RAF1: variants seen among roughly 807,000 people sequenced by gnomAD.
RAF1 encodes the protein Raf-1 proto-oncogene, serine/threonine kinase.
RAF1 carries 27 observed loss-of-function variants against 81.1 expected under a neutral mutation model. The observed-to-expected ratio is 0.33, with a 90% confidence interval of 0.25 to 0.46. The LOEUF is 0.46. Ranked by LOEUF, RAF1 falls within the 20% of genes least tolerant of loss-of-function variation. The pLI is 1.00. For missense variants in RAF1, 598 were observed against 826.0 expected (o/e 0.72, Z 3.38); for synonymous variants, 298 against 294.0 (o/e 1.01, Z -0.14).
At position 12,618,712 on chromosome 3, in the gene RAF1, T is replaced by G. The variant is rs747330424; in HGVS notation, c.10A>C (p.Ile4Leu). 1 of 1,614,208 alleles carries G rather than the reference T, an allele frequency of 6.2e-7. No individual in the cohort carries two copies. Among genetic ancestry groups the G allele is most frequent in the East Asian group, 2.2e-5 (1 of 44,888 alleles). ...CTGATCGTCTTCCAAGCTCCCTGTA[T>G]GTGCTCCATTGATGCAGCTTAAACA... Residue 4 changes from isoleucine (I) to leucine (L), a missense_variant, in exon 2 of 18, where the codon ATA (isoleucine) becomes CTA (leucine). By Grantham distance (5) the Ile-to-Leu change is conservative (BLOSUM62 2). This residue lies in a region of RAF1 where 83 missense variants were observed against 72.3 expected (regional missense o/e 1.15). Transcript: ENST00000442415.
At chr3:12,586,719 A>G (rs2058344755) in intron 14 of RAF1, 1 of 152,202 alleles carries the variant, frequency 6.6e-6, no homozygotes, top group African/African-American at 2.4e-5. Context: ...GTTAAATTTC[A>G]CGCCTCACAG....
At chr3:12,653,527 T>G (rs553848292) in intron 1 of RAF1, among the ~76,000 whole-genome samples, 6 of 152,102 alleles carry the variant, frequency 3.9e-5, no homozygotes, top group Non-Finnish European at 8.8e-5. Flanking sequence ...GGTGGATTAC[T>G]TGAGGTCAGG....
intron 14 of RAF1, 64 bp from the exon 14 acceptor site, chr3:12,585,863 A>G: frequency 8.8e-7 from 1 of 1,130,220 alleles, no homozygotes; most frequent in Non-Finnish European, 1.3e-6. Flanking sequence ...AAAATATCCC[A>G]AAGTTCTTTA....
intron 2 of RAF1, among the ~76,000 whole-genome samples, chr3:12,616,381 C>A (rs2059369470): frequency 6.6e-6 from 1 of 152,166 alleles, no homozygotes; most frequent in Non-Finnish European, 1.5e-5. Context: ...CACTTCCTAT[C>A]TGACTTCTCA....
intron 2 of RAF1, among the ~76,000 whole-genome samples, chr3:12,617,102 C>T (rs5746193): frequency 0.23 from 34,952 of 151,522 alleles, 4,576 homozygotes; most frequent in African/African-American, 0.36. Flanking sequence ...CCACCACGCC[C>T]GGCTACATTT....
chr3:12,629,076 T>C (rs911495635), intron 1 of RAF1, among the ~76,000 whole-genome samples: 1 of 152,152 alleles, frequency 6.6e-6, no homozygotes, highest in African/African-American at 2.4e-5. Context: ...ATGACAGTTG[T>C]ATCATAATTC....
At chr3:12,663,205 G>A (rs1203280748) in intron 1 of RAF1, among the ~76,000 whole-genome samples, 13 of 152,168 alleles carry the variant, frequency 8.5e-5, no homozygotes, top group Non-Finnish European at 1.5e-4. Context: ...ACAAAAGACA[G>A]CCCTGGCTCT....
chr3:12,633,813 T>C (rs1406894178), intron 1 of RAF1, among the ~76,000 whole-genome samples: 1 of 150,880 alleles, frequency 6.6e-6, no homozygotes, highest in African/African-American at 2.4e-5. Context: ...TGCGCACCTG[T>C]AATCTCAGCT....
intron 11 of RAF1, among the ~76,000 whole-genome samples, chr3:12,594,218 T>C (rs1413330935): frequency 6.6e-6 from 1 of 152,132 alleles, no homozygotes; most frequent in Non-Finnish European, 1.5e-5. Flanking sequence ...TAAGAAATCC[T>C]GTGAAGGTAA....
At chr3:12,615,685 G>T (rs2059349596) in intron 2 of RAF1, among the ~76,000 whole-genome samples, 1 of 152,166 alleles carries the variant, frequency 6.6e-6, no homozygotes. Flanking sequence ...GAGAAGTCAA[G>T]CTTGGCTTCC....
chr3:12,585,421 T>TCAC (rs2058300870), intron 15 of RAF1, 168 bp from the exon 15 acceptor site: 31 of 985,370 alleles, frequency 3.1e-5, no homozygotes, highest in Non-Finnish European at 3.4e-5. Flanking sequence ...TTAAAACAGC[T>TCAC]CAGGAATCCT....
At chr3:12,626,607 T>C (rs549986445) in intron 1 of RAF1, among the ~76,000 whole-genome samples, 33 of 151,860 alleles carry the variant, frequency 2.2e-4, no homozygotes, top group South Asian at 1.3e-3. Flanking sequence ...AAAAAGGCAT[T>C]TAAAAAAAGA....
At chr3:12,597,702 C>T (rs1161657513) in intron 11 of RAF1, among the ~76,000 whole-genome samples, 3 of 151,990 alleles carry the variant, frequency 2.0e-5, no homozygotes. Context: ...ATCGCTTGAG[C>T]TCATGATTTC....
At chr3:12,611,746 C>T (rs1027835832) in intron 3 of RAF1, among the ~76,000 whole-genome samples, 1 of 152,126 alleles carries the variant, frequency 6.6e-6, no homozygotes, top group East Asian at 1.9e-4. Flanking sequence ...CCCAGCTTAA[C>T]GTGTATTTAA....
chr3:12,638,796 G>A (rs2060101731), intron 1 of RAF1, among the ~76,000 whole-genome samples: 1 of 152,186 alleles, frequency 6.6e-6, no homozygotes, highest in Admixed American at 6.5e-5. Context: ...AACACTTTGG[G>A]AGGCTGAGAT....
intron 1 of RAF1, among the ~76,000 whole-genome samples, chr3:12,659,061 G>T (rs1443286577): frequency 6.6e-6 from 1 of 152,056 alleles, no homozygotes; most frequent in Non-Finnish European, 1.5e-5. Context: ...TAAAATTAAA[G>T]ATCAAACCTT....
chr3:12,614,575 A>G (rs959142533), intron 2 of RAF1, among the ~76,000 whole-genome samples: 2 of 150,096 alleles, frequency 1.3e-5, no homozygotes, highest in East Asian at 3.9e-4. Flanking sequence ...ACAGGTGGGC[A>G]GCACCACTTC....
chr3:12,604,131 A>G lies in RAF1; in HGVS notation c.834+5T>C, dbSNP rs1252875142. The G allele has an allele frequency of 6.2e-7, 1 of 1,614,048 alleles. No individual in the cohort carries two copies. ...GACATTACCACCCCCAAGGTGCCCT[A>G]TTACCTCAATCATCCTGCTGTCCAC... On this transcript the variant is annotated splice_donor_5th_base_variant and intron_variant, in intron 7 of 17. Coordinates refer to ENST00000442415, the MANE Select transcript of RAF1 (RefSeq NM_001354689.3).
chr3:12,642,868 T>C (rs1350432538), intron 1 of RAF1, among the ~76,000 whole-genome samples: 1 of 149,938 alleles, frequency 6.7e-6, no homozygotes, highest in Non-Finnish European at 1.5e-5. Flanking sequence ...GCCTGGGTGA[T>C]ACAGCAAGAC....
Sources: allele counts gnomAD v4.1 joint callset (sites outside exome capture counted in the v4.1 genomes callset), GRCh38; gene constraint gnomAD v4.1.1; regional missense constraint gnomAD v4.1.1; transcripts MANE v1.5; gene names NCBI Gene and HGNC (gene_info 2026-07-23, HGNC 2026-07-21).